Variants in ATRN observed in about 807,000 individuals in gnomAD.
ATRN encodes attractin.
A neutral mutation model predicts 178.7 loss-of-function variants in ATRN; 54 were observed. That is an observed-to-expected ratio of 0.30 (90% confidence interval 0.24 to 0.38). ATRN has a LOEUF of 0.38. Among genes scored for constraint, ATRN ranks in the 10% least tolerant of loss-of-function variants. The pLI, the probability that ATRN is intolerant of heterozygous loss-of-function variation, is 1.00. For missense variants in ATRN, 1,443 were observed against 1,815.1 expected (o/e 0.79, Z 3.73); for synonymous variants, 636 against 663.0 (o/e 0.96, Z 0.63).
At position 3,596,267 on chromosome 20, in the gene ATRN, A is replaced by C. The variant is rs954558459; in HGVS notation, c.3417-110A>C. 45 of 1,154,868 alleles carry C rather than the reference A, an allele frequency of 3.9e-5. No individual in the cohort carries two copies. In the African/African-American group the frequency reaches 4.6e-4, roughly 12 times the overall value. The allele number at this position is 1,154,868 out of a possible 1,614,324, so 71.5% of individuals were successfully genotyped here. On this transcript the variant is annotated intron_variant, in intron 20 of 28. Transcript: ENST00000262919. ...CTGAGTTATGGTGAAGGATGCAATT[A>C]TAATGGCTCCAGACTATCTGTACTT... is the stretch of plus-strand genomic sequence containing the variant.
At chr20:3,564,448 A>G (rs2086001135) in intron 10 of ATRN, among the ~76,000 whole-genome samples, 1 of 152,126 alleles carries the variant, frequency 6.6e-6, no homozygotes, top group South Asian at 2.1e-4. Context: ...GGTGGAAAAG[A>G]CCGGCACATA....
rs149323065 is a variant in ATRN at position 3,523,606 on chromosome 20, A to G, written c.411-11647A>G. ...TCCTTGAGAAGAGCAACCCCAAGAC[A>G]TATAATCGTCAGATTCACCAAGGTT... On this transcript the variant is annotated intron_variant, in intron 1 of 28. Transcript: ENST00000262919. Among the ~76,000 whole-genome samples, 872 of 152,288 alleles carry G rather than the reference A, an allele frequency of 5.7e-3. 6 individuals are homozygous for G. The highest frequency in any genetic ancestry group is 0.02 in the African/African-American group (832 of 41,556).
intron 1 of ATRN, among the ~76,000 whole-genome samples, chr20:3,485,462 G>T (rs1483923545): frequency 6.6e-6 from 1 of 151,892 alleles, no homozygotes. Context: ...ATTGATTTTT[G>T]TCTTTTCATC....
intron 22 of ATRN, among the ~76,000 whole-genome samples, chr20:3,598,629 A>G (rs1240533558): frequency 6.6e-6 from 1 of 152,232 alleles, no homozygotes; most frequent in East Asian, 1.9e-4. Context: ...AACCTGCCTT[A>G]AGGTATTACC....
At position 3,578,715 on chromosome 20, in the gene ATRN, G is replaced by A. The variant is rs2086243464; in HGVS notation, c.2487G>A (p.Gln829=). The stretch of plus-strand genomic sequence containing the variant: ...CCCTTTTGGCTTCTCTTACAACCCA[G>A]AAGAAGGTAGAATTTGTCCTTAAGC... ...HNALLASLTT[Q]KKVEFVLKQL... The change falls in exon 15 of 29, where the codon CAG becomes CAA. Residue 829 remains glutamine, a synonymous_variant. Coordinates refer to ENST00000262919, the MANE Select transcript of ATRN (RefSeq NM_139321.3). The A allele has an allele frequency of 6.2e-7, 1 of 1,613,996 alleles. No individual in the cohort carries two copies. The highest frequency in any genetic ancestry group is 8.5e-7 in the Non-Finnish European group (1 of 1,179,994).
At chr20:3,505,154 C>T (rs2085023331) in intron 1 of ATRN, among the ~76,000 whole-genome samples, 1 of 152,094 alleles carries the variant, frequency 6.6e-6, no homozygotes, top group African/African-American at 2.4e-5. Flanking sequence ...AAAGATTACC[C>T]CTGCCTAATA....
intron 26 of ATRN, 152 bp downstream of exon 26, chr20:3,634,541 T>C (rs1440682086): frequency 1.6e-6 from 1 of 631,376 alleles, no homozygotes; most frequent in African/African-American, 1.8e-5. Context: ...CAGTCCATGG[T>C]TCTGCAGCAT....
At chr20:3,492,871 G>GCACA (rs113403087) in intron 1 of ATRN, among the ~76,000 whole-genome samples, 2 of 132,450 alleles carry the variant, frequency 1.5e-5, no homozygotes, top group Non-Finnish European at 3.2e-5. Flanking sequence ...GCGCGCGTGC[G>GCACA]CACGCACACA....
At chr20:3,492,009 G>A (rs992056267) in intron 1 of ATRN, among the ~76,000 whole-genome samples, 1 of 151,854 alleles carries the variant, frequency 6.6e-6, no homozygotes, top group Non-Finnish European at 1.5e-5. Flanking sequence ...ATATATTTAC[G>A]TGGACTCTTT....
chr20:3,531,430 C>T (rs952082023), intron 1 of ATRN, among the ~76,000 whole-genome samples: 6 of 152,064 alleles, frequency 3.9e-5, no homozygotes, highest in Non-Finnish European at 2.9e-5. Context: ...CCAAGTAAGG[C>T]CATATGTATA....
intron 1 of ATRN, among the ~76,000 whole-genome samples, chr20:3,528,644 G>A (rs2085407968): frequency 6.6e-6 from 1 of 152,018 alleles, no homozygotes; most frequent in Admixed American, 6.6e-5. Context: ...GTATTACGCT[G>A]ATTACTTGGG....
chr20:3,545,074 T>G (rs2085680023), intron 3 of ATRN, among the ~76,000 whole-genome samples: 1 of 152,056 alleles, frequency 6.6e-6, no homozygotes, highest in Non-Finnish European at 1.5e-5. Flanking sequence ...ATAAATATTT[T>G]ATATAAAATA....
chr20:3,594,334 G>T, intron 19 of ATRN, 145 bp from the exon 20 acceptor site: 2 of 536,610 alleles, frequency 3.7e-6, no homozygotes, highest in Non-Finnish European at 6.6e-6. Flanking sequence ...GAAAAATCAT[G>T]AATCTTACCC....
intron 1 of ATRN, among the ~76,000 whole-genome samples, chr20:3,509,103 A>G (rs1309291706): frequency 1.3e-5 from 2 of 152,246 alleles, no homozygotes; most frequent in South Asian, 2.1e-4. Flanking sequence ...AAGTAGGCAG[A>G]TAGAAAACAA....
chr20:3,504,028 A>G (rs1429375834), intron 1 of ATRN, among the ~76,000 whole-genome samples: 1 of 152,190 alleles, frequency 6.6e-6, no homozygotes, highest in African/African-American at 2.4e-5. Flanking sequence ...ATCTGAAAAC[A>G]TGGAGGCCAT....
chr20:3,642,416 A>C (rs186849355), intron 27 of ATRN, among the ~76,000 whole-genome samples: 1 of 152,298 alleles, frequency 6.6e-6, no homozygotes, highest in African/African-American at 2.4e-5. Flanking sequence ...CCATCACCCT[A>C]GTTGCTCAGG....
chr20:3,515,655 T>G (rs1053572919), intron 1 of ATRN, among the ~76,000 whole-genome samples: 7 of 152,314 alleles, frequency 4.6e-5, no homozygotes, highest in Admixed American at 3.9e-4. Context: ...AACAAGATTT[T>G]TTATATAAAA....
chr20:3,525,002 G>C (rs2085345573), intron 1 of ATRN, among the ~76,000 whole-genome samples: 1 of 152,086 alleles, frequency 6.6e-6, no homozygotes, highest in Admixed American at 6.5e-5. Flanking sequence ...AAGAACTAGA[G>C]AAGCAAGAGC....
At chr20:3,606,531 G>C (rs923454042) in intron 24 of ATRN, among the ~76,000 whole-genome samples, 2 of 152,186 alleles carry the variant, frequency 1.3e-5, no homozygotes, top group African/African-American at 4.8e-5. Flanking sequence ...TGCCTGGACA[G>C]CCCTACCTGG....
Sources: gnomAD v4.1 joint callset for allele counts (sites outside exome capture counted in the v4.1 genomes callset) on GRCh38, gnomAD v4.1.1 for gene constraint, MANE v1.5 for transcripts, NCBI Gene and HGNC (gene_info 2026-07-23, HGNC 2026-07-21) for gene names.